Variants in PLEKHA5 observed in about 807,000 individuals in gnomAD.
PLEKHA5 encodes pleckstrin homology domain containing A5, also known as pleckstrin homology domain-containing family A member 5.
Under a neutral mutation model 181.9 loss-of-function variants are expected in PLEKHA5, and 55 were observed. The observed-to-expected ratio is 0.30, with a 90% CI of 0.24 to 0.38. PLEKHA5 has a LOEUF of 0.38. Ranked by LOEUF, PLEKHA5 falls within the 10% of genes least tolerant of loss-of-function variation. The pLI, the probability that PLEKHA5 is intolerant of heterozygous loss-of-function variation, is 1.00. For missense variants in PLEKHA5, 1,432 were observed against 1,549.5 expected, an observed-to-expected ratio of 0.92 and a Z score of 1.27; for synonymous variants, 535 against 529.4, an observed-to-expected ratio of 1.01 and a Z score of -0.15.
intron 3 of PLEKHA5, among the ~76,000 whole-genome samples, chr12:19,224,835 T>G (rs1373347000): frequency 6.6e-6 from 1 of 152,172 alleles, no homozygotes; most frequent in Non-Finnish European, 1.5e-5. Flanking sequence ...TGACATTTAC[T>G]TGGAAAAAAT....
At chr12:19,298,956 G>T (rs2080703640) in intron 15 of PLEKHA5, among the ~76,000 whole-genome samples, 1 of 152,190 alleles carries the variant, frequency 6.6e-6, no homozygotes, top group African/African-American at 2.4e-5. Context: ...TCCTCTACAG[G>T]CTATGGCTGG....
chr12:19,354,205 G>T (rs1230831398), intron 26 of PLEKHA5, among the ~76,000 whole-genome samples: 2 of 122,694 alleles, frequency 1.6e-5, no homozygotes, highest in Non-Finnish European at 1.6e-5. Context: ...AGGCTGGAGT[G>T]CTGTGGCGCG....
intron 20 of PLEKHA5, among the ~76,000 whole-genome samples, chr12:19,323,042 T>C (rs944633681): frequency 1.4e-4 from 13 of 89,936 alleles, no homozygotes; most frequent in South Asian, 3.5e-4. Flanking sequence ...TTTTTTTTTT[T>C]CATAGAAATG....
At chr12:19,254,998 C>T (rs771923191) in intron 4 of PLEKHA5, 47 bp from the exon 5 acceptor site, 27 of 1,517,378 alleles carry the variant, frequency 1.8e-5, no homozygotes, top group African/African-American at 9.6e-5. Flanking sequence ...AATTATAAAG[C>T]GGGTTACATA....
At chr12:19,155,352 TTTAG>T (rs1397727231) in intron 3 of PLEKHA5, among the ~76,000 whole-genome samples, 6 of 152,192 alleles carry the variant, frequency 3.9e-5, no homozygotes, top group Admixed American at 2.0e-4. Flanking sequence ...AGTCCATTTA[TTTAG>T]TAAGAAGGAG....
chr12:19,131,424 C>T (rs1056979536), intron 2 of PLEKHA5, among the ~76,000 whole-genome samples: 7 of 152,222 alleles, frequency 4.6e-5, no homozygotes, highest in African/African-American at 1.7e-4. Context: ...TCATGTTTCT[C>T]AATTCCCCGG....
Position 19,274,900 on chromosome 12 carries a change from C to A in PLEKHA5, c.1230C>A (p.Val410=). ...TGPLYTEADR[V]IQRTNSMQQL... is the part of the protein sequence containing the mutation. ...CCTTATACACAGAGGCCGATCGAGT[C>A]ATACAGAGAACAAATTCAATGCAGC... The change falls in exon 11 of 32, where the codon GTC becomes GTA. Residue 410 remains valine, a synonymous_variant. Coordinates refer to ENST00000429027, the MANE Select transcript of PLEKHA5 (RefSeq NM_001256470.2). 1 of 1,613,910 alleles carries A rather than the reference C, an allele frequency of 6.2e-7. No homozygotes were observed. Among genetic ancestry groups the A allele is most frequent in the Non-Finnish European group, 8.5e-7 (1 of 1,179,992 alleles).
At chr12:19,369,650 C>G in intron 30 of PLEKHA5, 43 bp from the exon 31 acceptor site, 1 of 1,252,262 alleles carries the variant, frequency 8.0e-7, no homozygotes, top group Non-Finnish European at 1.2e-6. Context: ...CCAAATGTGT[C>G]TTAAAGATTT....
chr12:19,357,964 A>G (rs1254855698), intron 26 of PLEKHA5, among the ~76,000 whole-genome samples: 1 of 151,974 alleles, frequency 6.6e-6, no homozygotes, highest in East Asian at 1.9e-4. Context: ...AAGCCAAAAA[A>G]ATATTTTCTA....
intron 3 of PLEKHA5, chr12:19,200,505 T>C: frequency 5.1e-6 from 7 of 1,365,626 alleles, no homozygotes; most frequent in African/African-American, 1.5e-5. Flanking sequence ...TAACAAATGT[T>C]CCAAATCTTT....
At chr12:19,242,669 T>C (rs2062881057) in intron 3 of PLEKHA5, among the ~76,000 whole-genome samples, 1 of 150,810 alleles carries the variant, frequency 6.6e-6, no homozygotes, top group African/African-American at 2.5e-5. Context: ...TTTTATGTTT[T>C]GAACATTTAA....
Position 19,322,629 on chromosome 12 carries a change from C to G in PLEKHA5, c.2410C>G (p.Leu804Val), listed in dbSNP as rs774938661. 9 of 1,613,666 alleles carry G rather than the reference C, an allele frequency of 5.6e-6. No homozygotes were observed. The African/African-American group carries it at 1.2e-4, about 22-fold the overall frequency. Residue 804 changes from leucine (L) to valine (V), a missense_variant, in exon 20 of 32, where the codon CTG becomes GTG. Physicochemically the swap from Leu to Val is conservative, Grantham distance 32. This residue lies in a region of PLEKHA5 where 1,143 missense variants were observed against 1,168.4 expected (regional missense o/e 0.98). Transcript: ENST00000429027. ...ACAAAGGGATGATTTACAAAATGGACTGCTTAGTACGTGTCGAGAACTTTC... is the reference window on the plus strand; with the variant it reads ...ACAAAGGGATGATTTACAAAATGGAGTGCTTAGTACGTGTCGAGAACTTTC... ...VLQRDDLQNG[L>V]LSTCRELSRA...
intron 3 of PLEKHA5, among the ~76,000 whole-genome samples, chr12:19,168,589 T>C (rs1357928947): frequency 2.0e-5 from 3 of 152,032 alleles, no homozygotes; most frequent in Non-Finnish European, 2.9e-5. Context: ...TTAAATTCAC[T>C]TAAAATTCTG....
intron 28 of PLEKHA5, among the ~76,000 whole-genome samples, chr12:19,360,953 C>T (rs1022376177): frequency 3.9e-5 from 6 of 152,050 alleles, no homozygotes; most frequent in Non-Finnish European, 8.8e-5. Context: ...GACGGAGTTT[C>T]ACCATGTTGA....
chr12:19,132,419 T>C lies in PLEKHA5; in HGVS notation c.196T>C (p.Tyr66His). ...TDLPTGWEEA[Y>H]TFEGARYYIN... ...TTTGCCTACTGGCTGGGAAGAAGCA[T>C]ATACTTTTGAAGGTGCAAGATACTA... The change falls in exon 3 of 32, where the codon TAT becomes CAT. Residue 66 changes from tyrosine (Y) to histidine (H), a missense_variant. Tyr to His is a moderately conservative substitution (Grantham distance 83, BLOSUM62 2). Coordinates refer to ENST00000429027, the MANE Select transcript of PLEKHA5 (RefSeq NM_001256470.2). 6.4e-7 allele frequency: 1 copy of C among 1,559,730 alleles called. No individual in the cohort carries two copies. The highest frequency in any genetic ancestry group is 8.8e-7 in the Non-Finnish European group (1 of 1,141,818).
At chr12:19,175,861 A>G (rs77759361) in intron 3 of PLEKHA5, among the ~76,000 whole-genome samples, 5,735 of 152,282 alleles carry the variant, frequency 0.038, 354 homozygotes, top group African/African-American at 0.13. Context: ...TAGTACCAAG[A>G]TACAATTAAA....
chr12:19,348,630 T>TGA, intron 25 of PLEKHA5, 111 bp downstream of exon 25: 1 of 701,846 alleles, frequency 1.4e-6, no homozygotes. Context: ...AGTCCAACCC[T>TGA]TTATCTGAAA....
intron 3 of PLEKHA5, among the ~76,000 whole-genome samples, chr12:19,197,468 A>G (rs929594478): frequency 6.6e-6 from 1 of 151,908 alleles, no homozygotes; most frequent in East Asian, 1.9e-4. Context: ...CTTTAATTTC[A>G]CTACGGTAAC....
chr12:19,213,827 T>C (rs1371371345), intron 3 of PLEKHA5, among the ~76,000 whole-genome samples: 4 of 152,088 alleles, frequency 2.6e-5, no homozygotes, highest in African/African-American at 9.7e-5. Flanking sequence ...TGAATTGTGT[T>C]TGAGATGAGA....
Sources: gnomAD v4.1 joint callset for allele counts (sites outside exome capture counted in the v4.1 genomes callset) on GRCh38, gnomAD v4.1.1 for gene constraint, gnomAD v4.1.1 regional missense constraint, MANE v1.5 for transcripts, NCBI Gene and HGNC (gene_info 2026-07-23, HGNC 2026-07-21) for gene names.